Variants in CFAP77 observed in about 807,000 individuals in gnomAD.
CFAP77 encodes the protein cilia and flagella associated protein 77.
CFAP77 carries 25 observed loss-of-function variants against 31.1 expected under a neutral mutation model. The ratio of observed to expected loss-of-function variants is 0.80; its 90% CI spans 0.59 to 1.12. The LOEUF (loss-of-function observed/expected upper bound fraction) is 1.12, where lower values mean the gene tolerates loss of function less well. Ranked by LOEUF, CFAP77 falls within the 50% of genes most tolerant of loss-of-function variation. The pLI is 0.00. For synonymous variants in CFAP77, 151 were observed against 159.9 expected (o/e 0.94, Z 0.42); for missense variants, 377 against 397.3 (o/e 0.95, Z 0.44).
At chr9:132,433,085 G>A (rs559752158) in intron 1 of CFAP77, among the ~76,000 whole-genome samples, 1 of 151,788 alleles carries the variant, frequency 6.6e-6, no homozygotes, top group South Asian at 2.1e-4. Context: ...CTGACTTCAA[G>A]TGATCCACCC....
At chr9:132,466,669 T>G (rs563204539) in intron 1 of CFAP77, among the ~76,000 whole-genome samples, 1 of 152,220 alleles carries the variant, frequency 6.6e-6, no homozygotes, top group Admixed American at 6.5e-5. Flanking sequence ...TTCAAGAAAA[T>G]AGCTCAGAGT....
chr9:132,476,535 G>A (rs1279570658), intron 1 of CFAP77, among the ~76,000 whole-genome samples: 1 of 152,124 alleles, frequency 6.6e-6, no homozygotes, highest in Non-Finnish European at 1.5e-5. Flanking sequence ...CGAGGTGCTG[G>A]GTAATGAGTG....
At chr9:132,558,512 C>G (rs556886998) in intron 5 of CFAP77, among the ~76,000 whole-genome samples, 11 of 152,166 alleles carry the variant, frequency 7.2e-5, no homozygotes, top group African/African-American at 2.7e-4. Flanking sequence ...CAAGACTAGC[C>G]TGGCCAACGT....
intron 1 of CFAP77, among the ~76,000 whole-genome samples, chr9:132,483,327 A>G (rs1851482531): frequency 1.3e-5 from 2 of 151,454 alleles, no homozygotes; most frequent in South Asian, 4.2e-4. Context: ...TCACCCTTCC[A>G]AAGAGGCCTG....
chr9:132,519,008 C>T (rs957667237), intron 3 of CFAP77, among the ~76,000 whole-genome samples: 3 of 152,122 alleles, frequency 2.0e-5, no homozygotes, highest in East Asian at 1.9e-4. Flanking sequence ...ATCAGTCTCT[C>T]GAGTTGTTGT....
intron 1 of CFAP77, among the ~76,000 whole-genome samples, chr9:132,443,154 A>G (rs1850644004): frequency 6.6e-6 from 1 of 152,174 alleles, no homozygotes; most frequent in African/African-American, 2.4e-5. Context: ...TTTAATGGCT[A>G]AATAATACTC....
intron 1 of CFAP77, among the ~76,000 whole-genome samples, chr9:132,426,817 C>T (rs1850325645): frequency 6.6e-6 from 1 of 152,158 alleles, no homozygotes; most frequent in African/African-American, 2.4e-5. Flanking sequence ...TATTGACTCA[C>T]CATGGGGAAA....
At chr9:132,422,025 T>TTTTTTTTTTTA (rs1850224796) in intron 1 of CFAP77, among the ~76,000 whole-genome samples, 1 of 152,070 alleles carries the variant, frequency 6.6e-6, no homozygotes, top group African/African-American at 2.4e-5. Flanking sequence ...TTTTTTTTTT[T>TTTTTTTTTTTA]GAGACGGAGT....
intron 1 of CFAP77, among the ~76,000 whole-genome samples, chr9:132,477,526 G>A (rs568771397): frequency 7.9e-5 from 12 of 152,192 alleles, no homozygotes; most frequent in Non-Finnish European, 1.6e-4. Context: ...GTGGGAGGTC[G>A]GGTCAGGAAG....
At chr9:132,438,535 ATATATAT>A (rs1190232569) in intron 1 of CFAP77, among the ~76,000 whole-genome samples, 128 of 107,938 alleles carry the variant, frequency 1.2e-3, no homozygotes, top group African/African-American at 5.3e-3. Flanking sequence ...ATATATATAT[ATATATAT>A]TTTTTTTTTT....
intron 1 of CFAP77, among the ~76,000 whole-genome samples, chr9:132,456,068 C>T (rs187096112): frequency 6.6e-6 from 1 of 152,332 alleles, no homozygotes; most frequent in African/African-American, 2.4e-5. Flanking sequence ...CGTCCATCCA[C>T]GAATATTTTA....
chr9:132,502,063 C>T (rs891508659), intron 3 of CFAP77, among the ~76,000 whole-genome samples: 6 of 152,154 alleles, frequency 3.9e-5, no homozygotes, highest in Non-Finnish European at 7.3e-5. Flanking sequence ...CAGACAGTAG[C>T]GGACTTCTTG....
rs1852572455 is a variant in CFAP77, at chr9:132,537,799, A to G, written c.630+93A>G. On this transcript the variant is annotated intron_variant, in intron 4 of 5. Transcript: ENST00000393216. The stretch of plus-strand genomic sequence containing the variant: ...CCAAGCATCGAGATGACACTTGTGT[A>G]TGTTTGTCATTGGGGATGAGTGGGA... 1.0e-5 allele frequency: 9 copies of G among 895,456 alleles called. No individual in the cohort carries two copies. The South Asian group carries it at 1.4e-4, about 14-fold the overall frequency. 55.5% of individuals were successfully genotyped at this position (895,456 alleles called of 1,614,324 possible).
At chr9:132,438,608 T>C (rs538314065) in intron 1 of CFAP77, among the ~76,000 whole-genome samples, 4 of 148,028 alleles carry the variant, frequency 2.7e-5, no homozygotes, top group African/African-American at 9.9e-5. Flanking sequence ...ACATCATGGC[T>C]CACTGCAGCC....
rs1564253305 is a variant in CFAP77 at position 132,561,652 on chromosome 9, CA to C, written c.733-10735del. Among the ~76,000 whole-genome samples, 290 of 102,768 alleles carry C rather than the reference CA, an allele frequency of 2.8e-3. 4 individuals carry two copies. The highest frequency in any genetic ancestry group is 9.6e-3 in the East Asian group (44 of 4,578). The allele number at this position is 102,768 out of a possible 152,430, so 67.4% of individuals were successfully genotyped here. On this transcript the variant is annotated intron_variant, in intron 5 of 5. Coordinates refer to ENST00000393216, the MANE Select transcript of CFAP77 (RefSeq NM_001282957.2). ...ACACACACACACACACACACACACA[CA>C]CACACACACCCCCTCCATGTGTCTC...
chr9:132,479,843 G>A (rs559889038), intron 1 of CFAP77, among the ~76,000 whole-genome samples: 1 of 152,318 alleles, frequency 6.6e-6, no homozygotes, highest in South Asian at 2.1e-4. Context: ...CTGACACCAA[G>A]CCTATGAATT....
chr9:132,494,384 A>G (rs190593220), intron 1 of CFAP77, among the ~76,000 whole-genome samples: 22 of 152,324 alleles, frequency 1.4e-4, no homozygotes, highest in Non-Finnish European at 2.4e-4. Flanking sequence ...AAATATGTCC[A>G]GACATGGCCA....
intron 1 of CFAP77, among the ~76,000 whole-genome samples, chr9:132,460,707 A>G (rs787887): frequency 0.37 from 55,722 of 151,824 alleles, 11,183 homozygotes; most frequent in African/African-American, 0.55. Context: ...ATGGTTGTGC[A>G]ACATTGTGAA....
chr9:132,543,766 C>T (rs1481262562), intron 5 of CFAP77, among the ~76,000 whole-genome samples: 1 of 152,236 alleles, frequency 6.6e-6, no homozygotes, highest in Non-Finnish European at 1.5e-5. Flanking sequence ...GAACACGCCA[C>T]ATTCTGGCCT....
Sources: gnomAD v4.1 joint callset for allele counts (sites outside exome capture counted in the v4.1 genomes callset) on GRCh38, gnomAD v4.1.1 for gene constraint, MANE v1.5 for transcripts, NCBI Gene and HGNC (gene_info 2026-07-23, HGNC 2026-07-21) for gene names.